SLC27A2: variants seen among roughly 807,000 people sequenced by gnomAD.
SLC27A2 encodes solute carrier family 27 member 2, also known as long-chain fatty acid transport protein 2.
Under a neutral mutation model 60.0 loss-of-function variants are expected in SLC27A2, and 54 were observed. The observed-to-expected ratio is 0.90, with a 90% CI of 0.72 to 1.13. The LOEUF is 1.13. Ranked by LOEUF, SLC27A2 falls within the 50% of genes most tolerant of loss-of-function variation. SLC27A2 has a pLI of 0.00. For missense variants in SLC27A2, 739 were observed against 777.6 expected, an observed-to-expected ratio of 0.95 and a Z score of 0.59; for synonymous variants, 297 against 297.6, an observed-to-expected ratio of 1.00 and a Z score of 0.02.
At chr15:50,200,729 T>C (rs2045057409) in intron 2 of SLC27A2, among the ~76,000 whole-genome samples, 1 of 152,120 alleles carries the variant, frequency 6.6e-6, no homozygotes, top group African/African-American at 2.4e-5. Flanking sequence ...GGAAACAACA[T>C]AAGCATACAC....
intron 4 of SLC27A2, among the ~76,000 whole-genome samples, chr15:50,207,318 G>A (rs1317485111): frequency 6.6e-6 from 1 of 151,892 alleles, no homozygotes; most frequent in Non-Finnish European, 1.5e-5. Context: ...AATTTCACTG[G>A]GGTTTTACAA....
intron 4 of SLC27A2, among the ~76,000 whole-genome samples, chr15:50,219,681 G>C (rs1415528345): frequency 6.6e-6 from 1 of 152,062 alleles, no homozygotes; most frequent in Admixed American, 6.6e-5. Flanking sequence ...ACTTTTATTA[G>C]CTATCACCTT....
At chr15:50,202,010 T>C (rs55740521) in intron 2 of SLC27A2, among the ~76,000 whole-genome samples, 16,314 of 152,288 alleles carry the variant, frequency 0.11, 985 homozygotes, top group Middle Eastern at 0.14. Context: ...TTATGTCATA[T>C]ATAAACTTGT....
intron 1 of SLC27A2, among the ~76,000 whole-genome samples, chr15:50,196,288 CT>C (rs1323109535): frequency 6.6e-6 from 1 of 150,658 alleles, no homozygotes; most frequent in Admixed American, 6.6e-5. Context: ...GTAAGAAATA[CT>C]TTTGTGCGTG....
intron 3 of SLC27A2, among the ~76,000 whole-genome samples, chr15:50,204,569 T>TA (rs1166782909): frequency 1.3e-5 from 2 of 151,528 alleles, no homozygotes; most frequent in Non-Finnish European, 2.9e-5. Context: ...CCTTCTCTAC[T>TA]AAAAATACAA....
At chr15:50,214,657 G>T (rs1332615939) in intron 4 of SLC27A2, among the ~76,000 whole-genome samples, 1 of 152,120 alleles carries the variant, frequency 6.6e-6, no homozygotes, top group East Asian at 1.9e-4. Context: ...TGCAGGGATG[G>T]TTTCACATAT....
At chr15:50,195,944 A>G (rs1055675157) in intron 1 of SLC27A2, among the ~76,000 whole-genome samples, 3 of 147,148 alleles carry the variant, frequency 2.0e-5, no homozygotes, top group African/African-American at 7.5e-5. Context: ...GGTCCCAGCT[A>G]CCGGGAGGCT....
intron 4 of SLC27A2, among the ~76,000 whole-genome samples, chr15:50,211,842 C>G (rs937648464): frequency 1.3e-5 from 2 of 152,040 alleles, no homozygotes; most frequent in African/African-American, 4.8e-5. Context: ...GAGGCTGAGG[C>G]AGGCAGATCA....
At position 50,185,790 on chromosome 15, in the gene SLC27A2, C is replaced by T. The variant is rs1276580472; in HGVS notation, c.478+2885C>T. On this transcript the variant is annotated intron_variant, in intron 1 of 9. Coordinates refer to ENST00000267842, the MANE Select transcript of SLC27A2 (RefSeq NM_003645.4). ...GACTACAGGCACCCGCCACCACGCC[C>T]GGATAATTTTTTGTATTTTTAGTAG... Among the ~76,000 whole-genome samples the T allele has an allele frequency of 4.6e-5, 7 of 151,700 alleles. No individual in the cohort carries two copies. In the South Asian group the frequency reaches 6.3e-4, roughly 14 times the overall value.
chr15:50,223,928 A>G (rs1464653476), intron 5 of SLC27A2, among the ~76,000 whole-genome samples: 1 of 152,238 alleles, frequency 6.6e-6, no homozygotes, highest in Non-Finnish European at 1.5e-5. Context: ...CTGTGTCCCC[A>G]GGGACAGGCC....
At chr15:50,205,982 CA>C (rs1024910278) in intron 4 of SLC27A2, among the ~76,000 whole-genome samples, 2 of 152,124 alleles carry the variant, frequency 1.3e-5, no homozygotes, top group African/African-American at 4.8e-5. Flanking sequence ...AGGGCATCTC[CA>C]ATGGCCTTGG....
chr15:50,199,672 C>T (rs766420125), intron 2 of SLC27A2, among the ~76,000 whole-genome samples: 18 of 151,972 alleles, frequency 1.2e-4, no homozygotes, highest in Non-Finnish European at 2.5e-4. Context: ...CTCACATCTA[C>T]AATCTCAGAA....
At chr15:50,224,474 G>A (rs967156272) in intron 5 of SLC27A2, among the ~76,000 whole-genome samples, 2 of 152,080 alleles carry the variant, frequency 1.3e-5, no homozygotes, top group Admixed American at 6.5e-5. Context: ...TTATGAAAAG[G>A]CCCTTAGAGG....
intron 2 of SLC27A2, 118 bp downstream of exon 2, chr15:50,197,827 T>C: frequency 1.4e-6 from 1 of 702,302 alleles, no homozygotes; most frequent in Non-Finnish European, 2.4e-6. Context: ...TTCAGGAGAT[T>C]TAGTTATTTG....
intron 4 of SLC27A2, among the ~76,000 whole-genome samples, chr15:50,208,051 A>T (rs900502549): frequency 6.6e-6 from 1 of 152,112 alleles, no homozygotes; most frequent in African/African-American, 2.4e-5. Flanking sequence ...TGCCTAGAAT[A>T]CGCTGTTGCT....
chr15:50,231,385 G>A (rs2140915143), intron 8 of SLC27A2, among the ~76,000 whole-genome samples: 1 of 152,154 alleles, frequency 6.6e-6, no homozygotes, highest in South Asian at 2.1e-4. Flanking sequence ...AACCTCCGGT[G>A]ATCCACACCC....
intron 7 of SLC27A2, 37 bp from the exon 8 acceptor site, chr15:50,228,908 C>A: frequency 2.1e-6 from 3 of 1,430,636 alleles, no homozygotes; most frequent in Non-Finnish European, 3.0e-6. Flanking sequence ...GGCCAGAAAC[C>A]ACCAGTGACC....
chr15:50,221,724 G>A (rs1250412824), intron 4 of SLC27A2, among the ~76,000 whole-genome samples: 1 of 152,144 alleles, frequency 6.6e-6, no homozygotes, highest in African/African-American at 2.4e-5. Flanking sequence ...TAATGACCTA[G>A]CACTGTTACC....
chr15:50,218,089 G>A (rs71469686), intron 4 of SLC27A2, among the ~76,000 whole-genome samples: 33,932 of 137,896 alleles, frequency 0.25, 5,414 homozygotes, highest in Non-Finnish European at 0.35. Context: ...AAAAAAAACC[G>A]GGAGAAATGT....
Sources: allele counts gnomAD v4.1 joint callset (sites outside exome capture counted in the v4.1 genomes callset), GRCh38; gene constraint gnomAD v4.1.1; transcripts MANE v1.5; gene names NCBI Gene and HGNC (gene_info 2026-07-23, HGNC 2026-07-21).